MORC2: variants seen among roughly 807,000 people sequenced by gnomAD.
The protein encoded by MORC2 is MORC family CW-type zinc finger 2.
In MORC2, 30 loss-of-function variants were observed where a neutral mutation model predicts 136.0. The ratio of observed to expected loss-of-function variants is 0.22; its 90% confidence interval spans 0.17 to 0.30. The LOEUF (loss-of-function observed/expected upper bound fraction) is 0.30. MORC2 is among the 10% of genes least tolerant of loss of function. MORC2 has a pLI of 1.00. For synonymous variants in MORC2, 439 were observed against 487.0 expected (o/e 0.90, Z 1.30); for missense variants, 922 against 1,333.1 (o/e 0.69, Z 4.80).
chr22:30,930,933 T>A (rs189067994), intron 24 of MORC2, among the ~76,000 whole-genome samples: 2 of 152,322 alleles, frequency 1.3e-5, no homozygotes, highest in Admixed American at 1.3e-4. Context: ...ACTCGTCACC[T>A]TCATTGCACT....
intron 4 of MORC2, 147 bp from the exon 5 acceptor site, chr22:30,949,989 C>A: frequency 1.5e-6 from 1 of 689,348 alleles, no homozygotes; most frequent in East Asian, 2.7e-5. Context: ...CCATGAAGCA[C>A]ATGGAGGCAC....
At chr22:30,931,572 C>A (rs982354279) in intron 24 of MORC2, among the ~76,000 whole-genome samples, 3 of 152,232 alleles carry the variant, frequency 2.0e-5, no homozygotes, top group Admixed American at 2.0e-4. Flanking sequence ...ATGCTCACCA[C>A]ACAGCCTGTT....
At chr22:30,950,353 C>CCCACAAAAAAAAAAA in intron 4 of MORC2, 24 bp downstream of exon 4, 1 of 1,481,962 alleles carries the variant, frequency 6.7e-7, no homozygotes, top group Non-Finnish European at 9.4e-7. Flanking sequence ...CCCCACCCCC[C>CCCACAAAAAAAAAAA]AAAACAATAA....
intron 6 of MORC2, among the ~76,000 whole-genome samples, chr22:30,944,021 G>C (rs962294836): frequency 6.6e-6 from 1 of 152,194 alleles, no homozygotes; most frequent in Non-Finnish European, 1.5e-5. Flanking sequence ...GCCTCCCAAA[G>C]TGCTGGGATT....
chr22:30,952,285 A>G (rs2040900226), intron 3 of MORC2, among the ~76,000 whole-genome samples: 1 of 152,230 alleles, frequency 6.6e-6, no homozygotes, highest in Non-Finnish European at 1.5e-5. Flanking sequence ...CTACAGCCGC[A>G]AAATGTGCAT....
At chr22:30,967,405 TTTC>T in intron 1 of MORC2, 1 of 987,924 alleles carries the variant, frequency 1.0e-6, no homozygotes, top group Non-Finnish European at 1.2e-6. Context: ...TGTCTTCTGT[TTTC>T]TTGTTAGAAA....
chr22:30,951,908 C>T (rs1316415175), intron 3 of MORC2, among the ~76,000 whole-genome samples: 4 of 151,742 alleles, frequency 2.6e-5, no homozygotes, highest in Admixed American at 1.3e-4. Context: ...CAGGTTCAAG[C>T]GATTCTCCTG....
Position 30,928,178 on chromosome 22 carries a change from C to A in MORC2, c.2871G>T (p.Gly957=). ...GGTAGGAATTGCACAGGTTTTGGAG[C>A]CCTACTTCATATTGCTTGAAGTACT... ...LKEYFKQYEV[G]LQNLCNSYQS... Residue 957 remains glycine (G), a synonymous_variant, in exon 25 of 26, where the codon GGG becomes GGT. Coordinates refer to ENST00000397641, the MANE Select transcript of MORC2 (RefSeq NM_001303256.3). 6.2e-7 allele frequency: 1 copy of A among 1,614,100 alleles called. No individual in the cohort carries two copies. The highest frequency in any genetic ancestry group is 8.5e-7 in the Non-Finnish European group (1 of 1,180,018).
At position 30,933,512 on chromosome 22, in the gene MORC2, G is replaced by A; in HGVS notation, c.2334C>T (p.Asp778=). The A allele has an allele frequency of 6.2e-7, 1 of 1,613,728 alleles. No individual in the cohort carries two copies. Among genetic ancestry groups the A allele is most frequent in the East Asian group, 2.2e-5 (1 of 44,842 alleles). Residue 778 remains aspartate (D), a synonymous_variant, in exon 21 of 26, where the codon GAC becomes GAT. Coordinates refer to ENST00000397641, the MANE Select transcript of MORC2 (RefSeq NM_001303256.3). ...CAGCCGAGTCCTCTTCCCCAGCACT[G>A]TCTGAGAGCTGCGTGGAGAGCAGTC... is the stretch of plus-strand genomic sequence containing the variant. ...EEKKDSNELS[D]SAGEEDSADL...
In MORC2 at chr22:30,946,372, C is replaced by T. The variant is rs1602496057; in HGVS notation, c.395G>A (p.Arg132His). The change falls in exon 6 of 26, where the codon CGC (arginine) becomes CAC (histidine). Residue 132 changes from arginine to histidine, a missense_variant. By Grantham distance (29) the Arg-to-His change is conservative. Transcript: ENST00000397641. Reference sequence around the variant, plus strand: ...AATGCCTTCTTCCTCATGAAACGTGCGAGACAGGAAGAGGCAGGTCATGGT... The same window carrying T: ...AATGCCTTCTTCCTCATGAAACGTGTGAGACAGGAAGAGGCAGGTCATGGT... ...EDTMTCLFLS[R>H]TFHEEEGIDE... is the part of the protein sequence containing the mutation. 6.2e-7 allele frequency: 1 copy of T among 1,609,712 alleles called. No homozygotes were observed. Among genetic ancestry groups the T allele is most frequent in the Middle Eastern group, 1.7e-4 (1 of 6,050 alleles).
rs2040488699 is a variant in MORC2 at position 30,926,667 on chromosome 22, CT to C, written c.*135del. 1.1e-5 allele frequency: 4 copies of C among 359,874 alleles called. 1 individual carries two copies. The Admixed American group carries it at 1.5e-4, about 13-fold the overall frequency. 22.3% of individuals were successfully genotyped at this position (359,874 alleles called of 1,614,324 possible). ...AGGAAGATTCAAAGAATCAGGGTATCTTTTCCTCCAAAAACACAAATGTCCC... is the reference window on the plus strand; with the variant it reads ...AGGAAGATTCAAAGAATCAGGGTATCTTTCCTCCAAAAACACAAATGTCCC... On this transcript the variant is annotated 3_prime_UTR_variant, in exon 26 of 26. Transcript: ENST00000397641.
rs1346572254 is a variant in MORC2, at chr22:30,932,269, G to A, written c.2841+90C>T. 9.7e-6 allele frequency: 11 copies of A among 1,131,984 alleles called. No homozygotes were observed. Among genetic ancestry groups the A allele is most frequent in the East Asian group, 2.4e-5 (1 of 42,358 alleles). The allele number at this position is 1,131,984 out of a possible 1,614,324, so 70.1% of individuals were successfully genotyped here. A position where few individuals can be genotyped will look rare whatever the true frequency, so the allele number is the denominator to read the frequency against. Reference sequence around the variant, plus strand: ...CTGAGAGCTAGCAACTGCAACAAGCGTAACAATCATAATCACAACAGTTAC... The same window carrying A: ...CTGAGAGCTAGCAACTGCAACAAGCATAACAATCATAATCACAACAGTTAC... On this transcript the variant is annotated intron_variant, in intron 24 of 25. Transcript: ENST00000397641. The surrounding 1 kb of genome is among the most constrained non-coding windows in gnomAD (Gnocchi z 4.4).
intron 18 of MORC2, 24 bp from the exon 19 acceptor site, chr22:30,935,185 G>A (rs2040635212): frequency 1.9e-6 from 3 of 1,612,352 alleles, no homozygotes; most frequent in Non-Finnish European, 2.5e-6. Context: ...CACAGAGAGT[G>A]AGAACACTGA....
chr22:30,931,511 C>A, intron 24 of MORC2, among the ~76,000 whole-genome samples: 1 of 152,242 alleles, frequency 6.6e-6, no homozygotes, highest in Middle Eastern at 3.2e-3. Flanking sequence ...ATGACTTACA[C>A]TGGGGATTCA....
intron 6 of MORC2, among the ~76,000 whole-genome samples, chr22:30,942,569 A>G (rs932594150): frequency 2.6e-5 from 4 of 152,086 alleles, no homozygotes; most frequent in Non-Finnish European, 2.9e-5. Flanking sequence ...TAAAAATTCT[A>G]CTCTTACCAC....
intron 24 of MORC2, among the ~76,000 whole-genome samples, chr22:30,930,376 A>G (rs1186620197): frequency 6.6e-6 from 1 of 152,182 alleles, no homozygotes; most frequent in Non-Finnish European, 1.5e-5. Context: ...CAAGGACAAA[A>G]GTTGAAGCAT....
At chr22:30,966,771 C>G (rs1202913434) in intron 1 of MORC2, among the ~76,000 whole-genome samples, 1 of 152,052 alleles carries the variant, frequency 6.6e-6, no homozygotes, top group Non-Finnish European at 1.5e-5. Context: ...GAGCAAGACT[C>G]CGTCTCTCAA....
At chr22:30,951,201 C>A (rs1011382187) in intron 3 of MORC2, among the ~76,000 whole-genome samples, 2 of 152,146 alleles carry the variant, frequency 1.3e-5, no homozygotes, top group African/African-American at 4.8e-5. Context: ...GGTTTCCTGG[C>A]CAACAGAAAA....
Position 30,946,558 on chromosome 22 carries a change from CT to C in MORC2, c.318-110del. On this transcript the variant is annotated intron_variant, in intron 5 of 25. Transcript: ENST00000397641. ...TTGAAAGTGCCACTGGAGGGCTCTC[CT>C]AAAGGCCCCCCCAGGTCCCAGGACT... The C allele has an allele frequency of 4.4e-6, 4 of 902,416 alleles. No homozygotes were observed. The South Asian group carries it at 6.9e-5, about 15-fold the overall frequency. 55.9% of individuals were successfully genotyped at this position (902,416 alleles called of 1,614,324 possible). A position where few individuals can be genotyped will look rare whatever the true frequency, so the allele number is the denominator to read the frequency against.
Sources: gnomAD v4.1 joint callset for allele counts (sites outside exome capture counted in the v4.1 genomes callset) on GRCh38, gnomAD v4.1.1 for gene constraint, Gnocchi (gnomAD v3.1) non-coding constraint, MANE v1.5 for transcripts, NCBI Gene and HGNC (gene_info 2026-07-23, HGNC 2026-07-21) for gene names.